The following ZFP1 variants were observed in gnomAD, a reference collection of about 807,000 sequenced individuals.
ZFP1 encodes the protein zinc finger protein 1 homolog.
ZFP1 carries 32 observed loss-of-function variants against 38.5 expected under a neutral mutation model. The observed-to-expected ratio is 0.83, with a 90% confidence interval of 0.63 to 1.12. The LOEUF is 1.12. ZFP1 is among the 50% of genes most tolerant of loss of function. The pLI is 0.00. For missense variants in ZFP1, 616 were observed against 480.8 expected (o/e 1.28, Z -2.63); for synonymous variants, 245 against 168.8 (o/e 1.45, Z -3.50).
the ZFP1 span, among the ~76,000 whole-genome samples, chr16:75,137,193 G>T: frequency 1.3e-5 from 2 of 152,118 alleles, no homozygotes; most frequent in South Asian, 4.1e-4. Flanking sequence ...TGTCAAAGGG[G>T]CCCAGGAGTC....
In ZFP1 at chr16:75,171,622, T is replaced by G. The variant is rs1363884553; in HGVS notation, c.*1288T>G. ...TTTTATAGACTTGATTTCAAATTCT[T>G]AAGTTCAGCCTTTCCCTATCAATCA... On this transcript the variant is annotated 3_prime_UTR_variant, in exon 4 of 4. Transcript: ENST00000570010. 6.6e-6 allele frequency: 1 copy of G among 152,236 alleles called. No individual in the cohort carries two copies. The highest frequency in any genetic ancestry group is 1.5e-5 in the Non-Finnish European group (1 of 68,042). 9.4% of individuals were successfully genotyped at this position (152,236 alleles called of 1,614,324 possible).
At chr16:75,124,078 A>G in the ZFP1 span, among the ~76,000 whole-genome samples, 1 of 151,900 alleles carries the variant, frequency 6.6e-6, no homozygotes, top group Non-Finnish European at 1.5e-5. Flanking sequence ...TGGGTGACAA[A>G]GTGAGACTCC....
chr16:75,166,961 C>A, intron 3 of ZFP1, 65 bp downstream of exon 3: 1 of 1,554,310 alleles, frequency 6.4e-7, no homozygotes, highest in Admixed American at 2.0e-5. Flanking sequence ...GTCTCAGTGA[C>A]CAGAAATGAG....
the ZFP1 span, among the ~76,000 whole-genome samples, chr16:75,138,475 A>T: frequency 6.6e-6 from 1 of 152,226 alleles, no homozygotes; most frequent in South Asian, 2.1e-4. Flanking sequence ...TAACACTCAT[A>T]AGCCATGTGG....
chr16:75,166,720 C>T (rs771088028), intron 2 of ZFP1, 50 bp from the exon 3 acceptor site: 33 of 1,613,456 alleles, frequency 2.0e-5, no homozygotes, highest in Non-Finnish European at 2.8e-5. Flanking sequence ...TCTATCCTTT[C>T]TATATCACCA....
At chr16:75,154,757 G>A (rs1388670297) in intron 2 of ZFP1, among the ~76,000 whole-genome samples, 2 of 151,946 alleles carry the variant, frequency 1.3e-5, no homozygotes, top group African/African-American at 4.8e-5. Flanking sequence ...ATTTTGTGTT[G>A]TCAGTGTTCT....
At chr16:75,133,762 T>C in the ZFP1 span, among the ~76,000 whole-genome samples, 1 of 152,202 alleles carries the variant, frequency 6.6e-6, no homozygotes, top group Non-Finnish European at 1.5e-5. Flanking sequence ...AAGTTTTAGA[T>C]CTTCTGCCAG....
Position 75,152,918 on chromosome 16 carries a change from C to T in ZFP1, c.-34C>T, listed in dbSNP as rs745764256. The T allele has an allele frequency of 1.9e-6, 3 of 1,613,346 alleles. No individual in the cohort carries two copies. Among genetic ancestry groups the T allele is most frequent in the Non-Finnish European group, 2.5e-6 (3 of 1,179,686 alleles). On this transcript the variant is annotated 5_prime_UTR_variant, in exon 2 of 4. Transcript: ENST00000570010. ...TTTTCCTCTATTCCAGTTCTGCCTT[C>T]ATAGTTCTCTGCCTTTGCCCAAAAC...
At chr16:75,155,527 C>CT (rs1209706606) in intron 2 of ZFP1, among the ~76,000 whole-genome samples, 1 of 152,126 alleles carries the variant, frequency 6.6e-6, no homozygotes, top group Non-Finnish European at 1.5e-5. Context: ...TTTTCCTAAT[C>CT]TTTAATTGTG....
At chr16:75,154,567 ATG>A (rs1468800154) in intron 2 of ZFP1, among the ~76,000 whole-genome samples, 1 of 136,194 alleles carries the variant, frequency 7.3e-6, no homozygotes, top group Non-Finnish European at 1.5e-5. Flanking sequence ...CCAGCAATGA[ATG>A]AGAGTTTTTT....
At chr16:75,132,198 G>A in the ZFP1 span, among the ~76,000 whole-genome samples, 2 of 151,964 alleles carry the variant, frequency 1.3e-5, no homozygotes, top group East Asian at 1.9e-4. Flanking sequence ...GACCAGCCTG[G>A]GCAACATAGC....
At chr16:75,151,716 C>T (rs1211642599) in intron 1 of ZFP1, among the ~76,000 whole-genome samples, 4 of 152,144 alleles carry the variant, frequency 2.6e-5, no homozygotes, top group African/African-American at 4.8e-5. Context: ...GATAATCTTT[C>T]ACAGTGATTA....
chr16:75,131,297 G>A, the ZFP1 span, among the ~76,000 whole-genome samples: 36 of 152,188 alleles, frequency 2.4e-4, no homozygotes, highest in African/African-American at 7.5e-4. Flanking sequence ...GAGGCTTCCC[G>A]GAAGAGGAAA....
chr16:75,123,107 AC>A, the ZFP1 span, among the ~76,000 whole-genome samples: 1 of 152,040 alleles, frequency 6.6e-6, no homozygotes, highest in Non-Finnish European at 1.5e-5. Context: ...TAATCCCAGC[AC>A]TTGGGGAGGA....
chr16:75,162,754 T>A (rs1306648137), intron 2 of ZFP1, among the ~76,000 whole-genome samples: 4 of 152,194 alleles, frequency 2.6e-5, no homozygotes. Context: ...TAAGTGAGGA[T>A]ATGCGCTATT....
chr16:75,153,871 C>G (rs2037336285), intron 2 of ZFP1, among the ~76,000 whole-genome samples: 1 of 152,228 alleles, frequency 6.6e-6, no homozygotes, highest in Non-Finnish European at 1.5e-5. Context: ...CCCTAAGTCC[C>G]TAACACCCAC....
intron 2 of ZFP1, among the ~76,000 whole-genome samples, chr16:75,166,004 T>C (rs2325829): frequency 1.3e-5 from 2 of 151,962 alleles, no homozygotes; most frequent in East Asian, 3.9e-4. Flanking sequence ...ATGTATTTTT[T>C]AAAAAAATTT....
At chr16:75,136,183 A>G in the ZFP1 span, among the ~76,000 whole-genome samples, 1 of 152,218 alleles carries the variant, frequency 6.6e-6, no homozygotes, top group Non-Finnish European at 1.5e-5. Context: ...GATGGTGGCA[A>G]GAGAATCTAA....
At chr16:75,135,896 C>T in the ZFP1 span, among the ~76,000 whole-genome samples, 2 of 152,208 alleles carry the variant, frequency 1.3e-5, no homozygotes, top group South Asian at 4.1e-4. Flanking sequence ...CTCACTGCAA[C>T]CTCCACCTCT....
Sources: allele counts gnomAD v4.1 joint callset (sites outside exome capture counted in the v4.1 genomes callset), GRCh38; gene constraint gnomAD v4.1.1; transcripts MANE v1.5; gene names NCBI Gene and HGNC (gene_info 2026-07-23, HGNC 2026-07-21).